Variants in ZFYVE9 observed in about 807,000 individuals in gnomAD.
The protein encoded by ZFYVE9 is zinc finger FYVE-type containing 9.
In ZFYVE9, 43 loss-of-function variants were observed where a neutral mutation model predicts 126.7. That is an observed-to-expected ratio of 0.34 (90% CI 0.27 to 0.44). The LOEUF is 0.44. ZFYVE9 is among the 20% of genes least tolerant of loss of function. ZFYVE9 has a pLI of 1.00. For synonymous variants in ZFYVE9, 521 were observed against 597.4 expected (o/e 0.87, Z 1.87); for missense variants, 1,476 against 1,697.0 (o/e 0.87, Z 2.29).
chr1:52,215,565 T>TA (rs1408152274), intron 1 of ZFYVE9, among the ~76,000 whole-genome samples: 1 of 152,220 alleles, frequency 6.6e-6, no homozygotes, highest in Non-Finnish European at 1.5e-5. Flanking sequence ...CCAAGATACT[T>TA]ACGTGTTCTG....
intron 4 of ZFYVE9, among the ~76,000 whole-genome samples, chr1:52,255,052 A>C (rs911911539): frequency 6.6e-6 from 1 of 151,766 alleles, no homozygotes; most frequent in Non-Finnish European, 1.5e-5. Flanking sequence ...TGATTGTGCC[A>C]GTACACTTCA....
intron 1 of ZFYVE9, among the ~76,000 whole-genome samples, chr1:52,156,326 A>G (rs926577513): frequency 6.6e-6 from 1 of 152,178 alleles, no homozygotes; most frequent in Non-Finnish European, 1.5e-5. Context: ...AGCTTGTGGT[A>G]GATCCAACTG....
chr1:52,281,549 T>C (rs1467885142), intron 9 of ZFYVE9, 112 bp from the exon 10 acceptor site: 4 of 1,206,046 alleles, frequency 3.3e-6, no homozygotes, highest in African/African-American at 1.5e-5. Context: ...ACAGACTCAG[T>C]GTGATCTATT....
intron 2 of ZFYVE9, among the ~76,000 whole-genome samples, chr1:52,226,660 G>A (rs1192975529): frequency 1.3e-5 from 2 of 152,112 alleles, no homozygotes; most frequent in African/African-American, 4.8e-5. Flanking sequence ...CTGACAACAC[G>A]TGCCCAGGGT....
intron 1 of ZFYVE9, among the ~76,000 whole-genome samples, chr1:52,181,364 C>T (rs1246594779): frequency 6.6e-6 from 1 of 152,258 alleles, no homozygotes; most frequent in Non-Finnish European, 1.5e-5. Context: ...GGATTGCAGA[C>T]GGAGTCTGGT....
At chr1:52,282,781 G>C (rs1000780313) in intron 10 of ZFYVE9, among the ~76,000 whole-genome samples, 1 of 152,162 alleles carries the variant, frequency 6.6e-6, no homozygotes, top group Admixed American at 6.5e-5. Context: ...GCTATAGGTG[G>C]AAAGTTTAAC....
chr1:52,157,574 G>A (rs566551317), intron 1 of ZFYVE9, among the ~76,000 whole-genome samples: 93 of 151,362 alleles, frequency 6.1e-4, no homozygotes, highest in African/African-American at 2.1e-3. Context: ...GCTAATTTTT[G>A]TATTTTTAGT....
intron 2 of ZFYVE9, among the ~76,000 whole-genome samples, chr1:52,225,790 A>C (rs1645165350): frequency 6.6e-6 from 1 of 152,154 alleles, no homozygotes; most frequent in African/African-American, 2.4e-5. Flanking sequence ...TATTTTGCCA[A>C]GGTTGAGGAC....
chr1:52,178,701 A>T (rs570798067), intron 1 of ZFYVE9, among the ~76,000 whole-genome samples: 114 of 152,298 alleles, frequency 7.5e-4, no homozygotes, highest in Non-Finnish European at 1.3e-3. Flanking sequence ...GCCAGAATGG[A>T]TACAGGGTTA....
At chr1:52,235,142 G>T (rs1243671823) in intron 3 of ZFYVE9, among the ~76,000 whole-genome samples, 1 of 152,140 alleles carries the variant, frequency 6.6e-6, no homozygotes, top group Non-Finnish European at 1.5e-5. Flanking sequence ...TCTGAAACCA[G>T]CTTCTTGGTT....
intron 7 of ZFYVE9, among the ~76,000 whole-genome samples, chr1:52,273,921 G>A (rs1645719485): frequency 1.4e-5 from 2 of 147,824 alleles, no homozygotes; most frequent in African/African-American, 5.0e-5. Context: ...CTTTTTTATT[G>A]TGGAAAAATA....
rs74654251 is a variant in ZFYVE9, at chr1:52,344,364, C to T, written c.3940-404C>T. Among the ~76,000 whole-genome samples the T allele has an allele frequency of 3.5e-3, 528 of 152,338 alleles. 2 individuals carry two copies. The highest frequency in any genetic ancestry group is 0.012 in the African/African-American group (503 of 41,570). ...TTCTAAGACTAATTGTAAAATAAAG[C>T]AGCTGGGTCACGTCAGCTATAAGAG... On this transcript the variant is annotated intron_variant, in intron 17 of 18. Transcript: ENST00000287727.
chr1:52,266,073 C>T (rs1384181278), intron 5 of ZFYVE9, among the ~76,000 whole-genome samples: 1 of 152,088 alleles, frequency 6.6e-6, no homozygotes, highest in African/African-American at 2.4e-5. Context: ...TGCTATCAGT[C>T]TATCAGAAGT....
chr1:52,240,396 T>C (rs924699226), intron 4 of ZFYVE9, among the ~76,000 whole-genome samples: 3 of 152,180 alleles, frequency 2.0e-5, no homozygotes, highest in Non-Finnish European at 4.4e-5. Context: ...CCAAAAAAGA[T>C]TAATAACTTT....
intron 13 of ZFYVE9, among the ~76,000 whole-genome samples, chr1:52,328,513 A>G (rs932630986): frequency 6.6e-6 from 1 of 152,214 alleles, no homozygotes; most frequent in Non-Finnish European, 1.5e-5. Context: ...AGAAATATGA[A>G]GTTTCTTTCA....
At chr1:52,181,616 G>C (rs1396537090) in intron 1 of ZFYVE9, among the ~76,000 whole-genome samples, 2 of 151,178 alleles carry the variant, frequency 1.3e-5, no homozygotes, top group Non-Finnish European at 2.9e-5. Flanking sequence ...CTGCCCGCCC[G>C]CCATCCCATC....
At chr1:52,162,015 T>G (rs1644465064) in intron 1 of ZFYVE9, among the ~76,000 whole-genome samples, 1 of 151,590 alleles carries the variant, frequency 6.6e-6, no homozygotes, top group Non-Finnish European at 1.5e-5. Flanking sequence ...TGACAACAAT[T>G]ACATCTTTAG....
intron 1 of ZFYVE9, among the ~76,000 whole-genome samples, chr1:52,200,582 A>C (rs1644914315): frequency 6.6e-6 from 1 of 152,196 alleles, no homozygotes; most frequent in African/African-American, 2.4e-5. Context: ...TTGCCAAATC[A>C]AAGGTCATCT....
intron 1 of ZFYVE9, among the ~76,000 whole-genome samples, chr1:52,186,434 ACTC>A (rs1195591031): frequency 1.3e-5 from 2 of 152,064 alleles, no homozygotes; most frequent in African/African-American, 2.4e-5. Flanking sequence ...CTTTTTCACT[ACTC>A]CTATTCAGCA....
Sources: allele counts gnomAD v4.1 joint callset (sites outside exome capture counted in the v4.1 genomes callset), GRCh38; gene constraint gnomAD v4.1.1; transcripts MANE v1.5; gene names NCBI Gene and HGNC (gene_info 2026-07-23, HGNC 2026-07-21).